The following RUNX1 variants were observed in gnomAD, a reference collection of about 807,000 sequenced individuals.
The protein encoded by RUNX1 is RUNX family transcription factor 1, also known as runt-related transcription factor 1.
A neutral mutation model predicts 42.8 loss-of-function variants in RUNX1; 19 were observed. The observed-to-expected ratio is 0.44, with a 90% CI of 0.31 to 0.65. The LOEUF is 0.65. Among genes scored for constraint, RUNX1 ranks in the 30% least tolerant of loss-of-function variants. The probability of loss-of-function intolerance (pLI) is 0.07; values close to 1 mark genes in which losing one functional copy is unlikely to be tolerated. For synonymous variants in RUNX1, 271 were observed against 289.4 expected (o/e 0.94, Z 0.64); for missense variants, 528 against 672.0 (o/e 0.79, Z 2.37).
chr21:34,999,849 C>T (rs1458189257), intron 2 of RUNX1, among the ~76,000 whole-genome samples: 4 of 152,148 alleles, frequency 2.6e-5, no homozygotes, highest in East Asian at 1.9e-4. Flanking sequence ...CTAAGGAACT[C>T]GCCACTGGTA....
At chr21:34,867,984 ACACACAGCCCAAGGC>A (rs1446566512) in intron 5 of RUNX1, among the ~76,000 whole-genome samples, 1 of 150,792 alleles carries the variant, frequency 6.6e-6, no homozygotes, top group Admixed American at 6.6e-5. Flanking sequence ...GGTGCCTCAA[ACACACAGCCCAAGGC>A]CACACAGAGC....
intron 2 of RUNX1, among the ~76,000 whole-genome samples, chr21:35,047,238 T>A (rs1041514417): frequency 2.0e-5 from 3 of 152,222 alleles, no homozygotes; most frequent in African/African-American, 7.2e-5. Context: ...TTTTCTGTTA[T>A]TCTATACAAA....
rs1220219448 is a variant in RUNX1, at chr21:34,832,512, C to T, written c.805+1898G>A. 2.0e-5 allele frequency among the ~76,000 whole-genome samples: 3 copies of T among 152,110 alleles called. No individual in the cohort carries two copies. In the East Asian group the frequency reaches 5.8e-4, roughly 29 times the overall value. On this transcript the variant is annotated intron_variant, in intron 7 of 8. Coordinates refer to ENST00000675419, the MANE Select transcript of RUNX1 (RefSeq NM_001754.5). Reference sequence around the variant, plus strand: ...TTAATCAACCTAGTAGTATAAATGGCCAGTTAGGCAACGAGAGACTAAGAA... The same window carrying T: ...TTAATCAACCTAGTAGTATAAATGGTCAGTTAGGCAACGAGAGACTAAGAA...
chr21:34,991,256 TC>T (rs1464742499), intron 2 of RUNX1, among the ~76,000 whole-genome samples: 1 of 152,124 alleles, frequency 6.6e-6, no homozygotes, highest in Non-Finnish European at 1.5e-5. Flanking sequence ...TGCCTTTACC[TC>T]CTCCCGAAAT....
intron 2 of RUNX1, among the ~76,000 whole-genome samples, chr21:34,983,989 G>A (rs1263151589): frequency 6.6e-6 from 1 of 152,146 alleles, no homozygotes; most frequent in Non-Finnish European, 1.5e-5. Flanking sequence ...TTGCCTCAAG[G>A]TTCCTCAGAG....
At chr21:35,010,192 G>A (rs909914902) in intron 2 of RUNX1, among the ~76,000 whole-genome samples, 1 of 147,028 alleles carries the variant, frequency 6.8e-6, no homozygotes, top group African/African-American at 2.6e-5. Context: ...TTGGTTTCAA[G>A]GTGTTTTTTT....
At chr21:34,873,818 TTGAA>T (rs2057773990) in intron 5 of RUNX1, among the ~76,000 whole-genome samples, 1 of 152,180 alleles carries the variant, frequency 6.6e-6, no homozygotes, top group Non-Finnish European at 1.5e-5. Flanking sequence ...TACATCTCCG[TTGAA>T]TGTAGGACTC....
chr21:34,984,092 G>A (rs1396402178), intron 2 of RUNX1, among the ~76,000 whole-genome samples: 1 of 152,158 alleles, frequency 6.6e-6, no homozygotes, highest in Non-Finnish European at 1.5e-5. Flanking sequence ...TGCCAGTCAT[G>A]GGTCTATGGT....
rs2058234182 is a variant in RUNX1 at position 34,907,668 on chromosome 21, C to T, written c.59-14705G>A. Among the ~76,000 whole-genome samples, 1 of 152,114 alleles carries T rather than the reference C, an allele frequency of 6.6e-6. No individual in the cohort carries two copies. Among genetic ancestry groups the T allele is most frequent in the Non-Finnish European group, 1.5e-5 (1 of 68,032 alleles). On this transcript the variant is annotated intron_variant, in intron 2 of 8. Transcript: ENST00000675419. This position sits in a 1 kb window ranked among gnomAD's most constrained non-coding sequence, Gnocchi z 5.3. ...ACCTTTGCCAAGTCTAAAATCATGC[C>T]ATGTAAAAGTTATCAAGAAAACCAA...
chr21:34,799,163 T>G, intron 8 of RUNX1, 138 bp downstream of exon 8: 1 of 890,860 alleles, frequency 1.1e-6, no homozygotes. Flanking sequence ...TGCATGGGCA[T>G]GGGACTCAGA....
At position 34,843,939 on chromosome 21, in the gene RUNX1, C is replaced by T. The variant is rs2057279896; in HGVS notation, c.614-9338G>A. ...GCCACCTGCTGGCTTTTGCTCTTGA[C>T]CAGAGGTAGCCCTCTGTGGGGGAAG... On this transcript the variant is annotated intron_variant, in intron 6 of 8. Transcript: ENST00000675419. The surrounding 1 kb of genome is among the most constrained non-coding windows in gnomAD (Gnocchi z 4.8). Among the ~76,000 whole-genome samples the T allele has an allele frequency of 6.6e-6, 1 of 152,192 alleles. No homozygotes were observed. The highest frequency in any genetic ancestry group is 1.9e-4 in the East Asian group (1 of 5,200).
intron 6 of RUNX1, among the ~76,000 whole-genome samples, chr21:34,850,033 C>T (rs1462072263): frequency 2.6e-5 from 4 of 151,774 alleles, no homozygotes; most frequent in African/African-American, 9.7e-5. Context: ...GAAAAAACAA[C>T]AACAACAAAA....
chr21:34,960,650 C>T (rs2058675549), intron 2 of RUNX1, among the ~76,000 whole-genome samples: 1 of 152,134 alleles, frequency 6.6e-6, no homozygotes, highest in African/African-American at 2.4e-5. Context: ...CAATAGAGGG[C>T]CCTTTGGTGC....
intron 7 of RUNX1, among the ~76,000 whole-genome samples, chr21:34,799,908 G>C (rs2056584452): frequency 6.6e-6 from 1 of 152,176 alleles, no homozygotes; most frequent in Admixed American, 6.5e-5. Context: ...TAAGAACGTA[G>C]AGTTTTGGGC....
At position 34,789,917 on chromosome 21, in the gene RUNX1, C is replaced by CA. The variant is rs750408603; in HGVS notation, c.*2217dup. ...TTCTCCAGCATTTTTGCAGGTCAGACATGGTAACATGTGCTGAAAAAAAAC... is the reference window on the plus strand; with the variant it reads ...TTCTCCAGCATTTTTGCAGGTCAGACAATGGTAACATGTGCTGAAAAAAAAC... On this transcript the variant is annotated 3_prime_UTR_variant, in exon 9 of 9. Coordinates refer to ENST00000675419, the MANE Select transcript of RUNX1 (RefSeq NM_001754.5). 17 of 232,972 alleles carry CA rather than the reference C, an allele frequency of 7.3e-5. No homozygotes were observed. The highest frequency in any genetic ancestry group is 3.5e-4 in the African/African-American group (16 of 45,390). The allele number at this position is 232,972 out of a possible 1,614,324, so 14.4% of individuals were successfully genotyped here. A position where few individuals can be genotyped will look rare whatever the true frequency, so the allele number is the denominator to read the frequency against.
intron 7 of RUNX1, among the ~76,000 whole-genome samples, chr21:34,819,493 C>T (rs972360899): frequency 6.6e-6 from 1 of 152,206 alleles, no homozygotes; most frequent in Non-Finnish European, 1.5e-5. Flanking sequence ...CAGAAGCCAC[C>T]CGTCAATGCG....
At chr21:35,024,580 T>A (rs2059222385) in intron 2 of RUNX1, among the ~76,000 whole-genome samples, 1 of 152,250 alleles carries the variant, frequency 6.6e-6, no homozygotes, top group African/African-American at 2.4e-5. Context: ...CTGCATCCCA[T>A]CCTTTTAACT....
intron 2 of RUNX1, among the ~76,000 whole-genome samples, chr21:35,026,234 C>T (rs145274945): frequency 1.3e-5 from 2 of 152,202 alleles, no homozygotes; most frequent in African/African-American, 4.8e-5. Context: ...ACATTCTTTA[C>T]CTCGGGGGGT....
At chr21:34,892,016 G>T (rs942855951) in intron 3 of RUNX1, among the ~76,000 whole-genome samples, 1 of 152,130 alleles carries the variant, frequency 6.6e-6, no homozygotes, top group African/African-American at 2.4e-5. Context: ...CCCAAAATAT[G>T]CATAAAGATG....
Sources: gnomAD v4.1 joint callset for allele counts (sites outside exome capture counted in the v4.1 genomes callset) on GRCh38, gnomAD v4.1.1 for gene constraint, Gnocchi (gnomAD v3.1) non-coding constraint, MANE v1.5 for transcripts, NCBI Gene and HGNC (gene_info 2026-07-23, HGNC 2026-07-21) for gene names.